ZFYVE26: variants seen among roughly 807,000 people sequenced by gnomAD.
ZFYVE26 encodes the protein zinc finger FYVE-type containing 26.
ZFYVE26 carries 181 observed loss-of-function variants against 276.5 expected under a neutral mutation model. The observed-to-expected ratio is 0.65, with a 90% CI of 0.58 to 0.74. The LOEUF (loss-of-function observed/expected upper bound fraction) is 0.74, where lower values mean the gene tolerates loss of function less well. Among genes scored for constraint, ZFYVE26 ranks in the 30% least tolerant of loss-of-function variants. ZFYVE26 has a pLI of 0.00. For synonymous variants in ZFYVE26, 1,129 were observed against 1,203.1 expected, an observed-to-expected ratio of 0.94 and a Z score of 1.27; for missense variants, 2,821 against 3,097.9, an observed-to-expected ratio of 0.91 and a Z score of 2.12.
Position 67,729,112 on chromosome 14 carries a change from T to G in ZFYVE26, n.3288+99A>C, listed in dbSNP as rs1048794680. ...TTCCTGAGTCCCTCCTTCTCACTTG[T>G]GTATTTTGCTGCAGGAGATAAGCTG... On this transcript the variant is annotated intron_variant and non_coding_transcript_variant, in intron 14 of 14. Transcript: ENST00000394455. 7.1e-6 allele frequency: 10 copies of G among 1,407,824 alleles called. No homozygotes were observed. The South Asian group carries it at 1.2e-4, about 16-fold the overall frequency. The allele number at this position is 1,407,824 out of a possible 1,614,324, so 87.2% of individuals were successfully genotyped here.
rs574247746 is a variant in ZFYVE26, at chr14:67,804,168, G to A, written c.1368C>T (p.Ala456=). 5.0e-6 allele frequency: 8 copies of A among 1,614,094 alleles called. No homozygotes were observed. Among genetic ancestry groups the A allele is most frequent in the Non-Finnish European group, 6.8e-6 (8 of 1,180,054 alleles). Residue 456 remains alanine (A), a synonymous_variant, in exon 9 of 42, where the codon GCC becomes GCT. Coordinates refer to ENST00000347230, the MANE Select transcript of ZFYVE26 (RefSeq NM_015346.4). ...GCTTGAGAACATCTTCCTCCCTGAG[G>A]GCTGGAAGGTTTGTAAGGTGATGGA... ...YTLHHLTNLP[A]LREEDVLKLL...
intron 35 of ZFYVE26, chr14:67,756,374 G>A: frequency 5.1e-6 from 3 of 582,924 alleles, no homozygotes; most frequent in South Asian, 2.0e-5. Flanking sequence ...TACCCTCACT[G>A]TCTCCAATTC....
intron 23 of ZFYVE26, among the ~76,000 whole-genome samples, chr14:67,778,651 C>T (rs1289969959): frequency 1.3e-5 from 2 of 152,326 alleles, no homozygotes; most frequent in East Asian, 3.9e-4. Context: ...AATAAAAATT[C>T]TGTAGACCAA....
intron 34 of ZFYVE26, 45 bp from the exon 35 acceptor site, chr14:67,761,629 TCTCA>T: frequency 6.4e-7 from 1 of 1,552,232 alleles, no homozygotes; most frequent in Non-Finnish European, 8.8e-7. Context: ...CTCAAAAAGT[TCTCA>T]GCAGGCACTG....
chr14:67,793,756 C>T lies in ZFYVE26; in HGVS notation c.2405G>A (p.Gly802Glu). 1 of 1,613,844 alleles carries T rather than the reference C, an allele frequency of 6.2e-7. No homozygotes were observed. Among genetic ancestry groups the T allele is most frequent in the African/African-American group, 1.3e-5 (1 of 74,982 alleles). The change falls in exon 14 of 42, where the codon GGA becomes GAA. Residue 802 changes from glycine (G) to glutamate (E), a missense_variant. Coordinates refer to ENST00000347230, the MANE Select transcript of ZFYVE26 (RefSeq NM_015346.4). The part of the protein sequence containing the change: ...SSELSTSTSE[G>E]SLSAMSGRNE... ...CCGGCCAGACATGGCACTCAGACTT[C>T]CCTCTGTTGGGACACAAGAATGTGT...
intron 16 of ZFYVE26, 132 bp downstream of exon 16, chr14:67,789,203 G>T: frequency 1.6e-6 from 2 of 1,261,140 alleles, no homozygotes; most frequent in Non-Finnish European, 2.3e-6. Flanking sequence ...CAGATTGTAT[G>T]TGACAAAATT....
intron 10 of ZFYVE26, chr14:67,799,701 T>C: frequency 1.1e-6 from 1 of 926,572 alleles, no homozygotes; most frequent in Non-Finnish European, 1.7e-6. Flanking sequence ...TCAACTCAAC[T>C]CTTGAGAAAA....
At chr14:67,794,294 G>T in intron 12 of ZFYVE26, 55 bp from the exon 13 acceptor site, 2 of 1,564,190 alleles carry the variant, frequency 1.3e-6, no homozygotes, top group Non-Finnish European at 1.8e-6. Flanking sequence ...TATAGAGTAG[G>T]AAGTGTGAAG....
At chr14:67,736,310 C>T (rs577934964) in intron 13 of ZFYVE26, among the ~76,000 whole-genome samples, 14 of 152,326 alleles carry the variant, frequency 9.2e-5, no homozygotes, top group Non-Finnish European at 1.0e-4. Flanking sequence ...GGTATTGAAA[C>T]GTCTCTTCTA....
chr14:67,756,208 C>A, intron 35 of ZFYVE26, 63 bp from the exon 36 acceptor site: 1 of 1,556,170 alleles, frequency 6.4e-7, no homozygotes, highest in African/African-American at 1.4e-5. Context: ...GTCTGGGATC[C>A]ACTCTGAATT....
chr14:67,782,867 C>T lies in ZFYVE26; in HGVS notation c.4285G>A (p.Ala1429Thr), dbSNP rs771804103. ...ESLVARDWSR[A>T]LQLTEVYGRD... ...CCGTACACTTCAGTGAGCTGAAGGG[C>T]CCGGGACCAATCTCTGGCCACCAAG... Residue 1429 changes from alanine (A) to threonine (T), a missense_variant, in exon 21 of 42, where the codon GCC becomes ACC. Ala to Thr is a moderately conservative substitution (Grantham distance 58). Transcript: ENST00000347230. 1.2e-6 allele frequency: 2 copies of T among 1,614,226 alleles called. No individual in the cohort carries two copies. Among genetic ancestry groups the T allele is most frequent in the Admixed American group, 3.3e-5 (2 of 60,022 alleles).
At chr14:67,736,337 A>T (rs1004220587) in intron 13 of ZFYVE26, among the ~76,000 whole-genome samples, 4 of 152,252 alleles carry the variant, frequency 2.6e-5, no homozygotes, top group African/African-American at 9.6e-5. Context: ...TCATATTCTC[A>T]TATATGCTAT....
At chr14:67,757,749 C>T (rs1174012613) in intron 35 of ZFYVE26, among the ~76,000 whole-genome samples, 2 of 151,732 alleles carry the variant, frequency 1.3e-5, no homozygotes, top group Non-Finnish European at 2.9e-5. Context: ...GAATCTCACT[C>T]TGTAACCCAA....
At chr14:67,811,859 A>G (rs1297281485) in intron 3 of ZFYVE26, among the ~76,000 whole-genome samples, 1 of 146,990 alleles carries the variant, frequency 6.8e-6, no homozygotes, top group Non-Finnish European at 1.5e-5. Flanking sequence ...TATATAACAT[A>G]TATGAAATTT....
intron 21 of ZFYVE26, 48 bp from the exon 22 acceptor site, chr14:67,781,577 G>T: frequency 1.3e-6 from 2 of 1,559,598 alleles, no homozygotes; most frequent in East Asian, 2.2e-5. Flanking sequence ...GGGACCAGAA[G>T]AGTTCAAGAG....
rs1388704255 is a variant in ZFYVE26 at position 67,815,786 on chromosome 14, A to G, written c.178T>C (p.Cys60Arg). Reference protein sequence around the residue: ...VEDILQALVVCPNLLRCGQDI... With the variant: ...VEDILQALVVRPNLLRCGQDI... ...ATCCCTTACCTCAGCAGATTTGGACACACCACCAATGCCTGAAGTATGTCT... is the reference window on the plus strand; with the variant it reads ...ATCCCTTACCTCAGCAGATTTGGACGCACCACCAATGCCTGAAGTATGTCT... The change falls in exon 2 of 42, where the codon TGT (cysteine) becomes CGT (arginine). Residue 60 changes from cysteine (C) to arginine (R), a missense_variant. By Grantham distance (180) the Cys-to-Arg change is radical (BLOSUM62 -3). Transcript: ENST00000347230. 1 of 1,613,174 alleles carries G rather than the reference A, an allele frequency of 6.2e-7. No individual in the cohort carries two copies. The highest frequency in any genetic ancestry group is 8.5e-7 in the Non-Finnish European group (1 of 1,180,034).
intron 13 of ZFYVE26, among the ~76,000 whole-genome samples, chr14:67,738,193 G>T (rs569504989): frequency 6.6e-6 from 1 of 151,928 alleles, no homozygotes; most frequent in South Asian, 2.1e-4. Context: ...CTTAATATCT[G>T]CAGTAACATT....
chr14:67,759,168 C>A (rs796403975), intron 35 of ZFYVE26, among the ~76,000 whole-genome samples: 2 of 149,306 alleles, frequency 1.3e-5, no homozygotes, highest in African/African-American at 4.9e-5. Flanking sequence ...GGGTGTGAAC[C>A]CAGGAGGCGG....
intron 38 of ZFYVE26, 117 bp downstream of exon 38, chr14:67,753,954 C>T (rs2038712217): frequency 1.3e-6 from 2 of 1,565,962 alleles, no homozygotes; most frequent in East Asian, 2.2e-5. Context: ...GGCTCATATT[C>T]TAGTGGGGAG....
Sources: gnomAD v4.1 joint callset for allele counts (sites outside exome capture counted in the v4.1 genomes callset) on GRCh38, gnomAD v4.1.1 for gene constraint, MANE v1.5 for transcripts, NCBI Gene and HGNC (gene_info 2026-07-23, HGNC 2026-07-21) for gene names.